The following GSE1 variants were observed in gnomAD, a reference collection of about 807,000 sequenced individuals.
GSE1 encodes the protein Gse1 coiled-coil protein, also known as genetic suppressor element 1.
A neutral mutation model predicts 112.6 loss-of-function variants in GSE1; 32 were observed. That is an observed-to-expected ratio of 0.28 (90% CI 0.21 to 0.38). The LOEUF (loss-of-function observed/expected upper bound fraction) is 0.38. GSE1 is among the 10% of genes least tolerant of loss of function. The pLI is 1.00. For missense variants in GSE1, 2,348 were observed against 1,699.2 expected, an observed-to-expected ratio of 1.38 and a Z score of -6.71; for synonymous variants, 1,115 against 735.6, an observed-to-expected ratio of 1.52 and a Z score of -8.35.
At chr16:85,433,769 CTGGATAGATGGATGT>C (rs1441572517) in intron 2 of GSE1, among the ~76,000 whole-genome samples, 1 of 151,624 alleles carries the variant, frequency 6.6e-6, no homozygotes, top group African/African-American at 2.4e-5. Context: ...TGGATGGATG[CTGGATAGATGGATGT>C]TGGATAGATG....
intron 1 of GSE1, among the ~76,000 whole-genome samples, chr16:85,601,006 G>C (rs560890832): frequency 7.7e-6 from 1 of 129,096 alleles, no homozygotes; most frequent in Non-Finnish European, 1.5e-5. Context: ...TTCCACCAGT[G>C]GGGGGGTTAG....
chr16:85,383,104 G>A (rs1420149426), intron 2 of GSE1, among the ~76,000 whole-genome samples: 1 of 151,180 alleles, frequency 6.6e-6, no homozygotes, highest in East Asian at 2.0e-4. Flanking sequence ...AAGCATGCCT[G>A]TGCACCCACA....
In GSE1 at chr16:85,674,867, G is replaced by T. The variant is rs905009519; in HGVS notation, c.*2328G>T. ...CCGGCCCTTGAGCTTCTTGCCCACT[G>T]TCTCCCCATCCTTCCACCTACTTGT... is the stretch of plus-strand genomic sequence containing the variant. On this transcript the variant is annotated 3_prime_UTR_variant, in exon 16 of 16. Transcript: ENST00000253458. The T allele has an allele frequency of 1.3e-4, 20 of 152,632 alleles. No individual in the cohort carries two copies. Among genetic ancestry groups the T allele is most frequent in the African/African-American group, 4.6e-4 (19 of 41,420 alleles). The allele number at this position is 152,632 out of a possible 1,614,324, so 9.5% of individuals were successfully genotyped here. A position where few individuals can be genotyped will look rare whatever the true frequency, so the allele number is the denominator to read the frequency against.
At chr16:85,579,473 C>T (rs1207090449) in intron 1 of GSE1, among the ~76,000 whole-genome samples, 4 of 152,202 alleles carry the variant, frequency 2.6e-5, no homozygotes, top group Non-Finnish European at 4.4e-5. Flanking sequence ...TCCGGCCTGG[C>T]CCTGGCGCTG....
At chr16:85,662,955 G>A in intron 9 of GSE1, 26 bp from the exon 10 acceptor site, 4 of 1,451,972 alleles carry the variant, frequency 2.8e-6, no homozygotes, top group Non-Finnish European at 3.9e-6. Context: ...TCTTTGTCTG[G>A]CTGAATACAA....
At chr16:85,612,991 G>A (rs2048092532), upstream of GSE1, among the ~76,000 whole-genome samples, 2 of 152,222 alleles carry the variant, frequency 1.3e-5, no homozygotes, top group Admixed American at 1.3e-4. Flanking sequence ...GGGCTCCCGA[G>A]AGTGTGGGGG....
intron 2 of GSE1, among the ~76,000 whole-genome samples, chr16:85,449,544 C>A (rs1319952566): frequency 6.6e-6 from 1 of 152,250 alleles, no homozygotes; most frequent in African/African-American, 2.4e-5. Flanking sequence ...GCAACGCTTG[C>A]CAAGTGAGAT....
At chr16:85,358,845 G>T (rs774901205) in intron 2 of GSE1, among the ~76,000 whole-genome samples, 1 of 152,200 alleles carries the variant, frequency 6.6e-6, no homozygotes, top group Non-Finnish European at 1.5e-5. Flanking sequence ...CCGTTGCCTT[G>T]AGCCAGCTAA....
intron 1 of GSE1, among the ~76,000 whole-genome samples, chr16:85,559,336 T>A (rs2045402170): frequency 6.6e-6 from 1 of 152,204 alleles, no homozygotes; most frequent in Admixed American, 6.5e-5. Context: ...GACATGAAGC[T>A]GGCTTCTGTC....
chr16:85,494,904 G>T (rs1356401411), intron 2 of GSE1, among the ~76,000 whole-genome samples: 1 of 152,154 alleles, frequency 6.6e-6, no homozygotes, highest in African/African-American at 2.4e-5. Flanking sequence ...GCCGGGCCCT[G>T]TCCCCTGCCT....
At chr16:85,396,158 G>T (rs1280264315) in intron 2 of GSE1, among the ~76,000 whole-genome samples, 2 of 152,194 alleles carry the variant, frequency 1.3e-5, no homozygotes, top group Non-Finnish European at 2.9e-5. Flanking sequence ...CAGGAGGCAG[G>T]ACATCAGCAG....
At chr16:85,501,849 C>G (rs1483307928) in intron 2 of GSE1, among the ~76,000 whole-genome samples, 2 of 152,240 alleles carry the variant, frequency 1.3e-5, no homozygotes, top group African/African-American at 4.8e-5. Context: ...TGCCTCCACC[C>G]CTCATTCTAC....
chr16:85,477,510 C>T (rs1292490251), intron 2 of GSE1, among the ~76,000 whole-genome samples: 1 of 151,492 alleles, frequency 6.6e-6, no homozygotes, highest in Admixed American at 6.6e-5. Flanking sequence ...CTCCGGCCTA[C>T]TGGGCTCTCG....
Position 85,672,572 on chromosome 16 carries a change from A to C in GSE1, c.*33A>C, listed in dbSNP as rs761856336. ...CCTTGCACTAGGCCGAACCTATAGT[A>C]TAGAAATATTATCTATTTTATTACC... On this transcript the variant is annotated 3_prime_UTR_variant, in exon 16 of 16. Transcript: ENST00000253458. The C allele has an allele frequency of 3.4e-6, 5 of 1,464,320 alleles. No individual in the cohort carries two copies. Among genetic ancestry groups the C allele is most frequent in the Non-Finnish European group, 3.7e-6 (4 of 1,076,758 alleles). 90.7% of individuals were successfully genotyped at this position (1,464,320 alleles called of 1,614,324 possible).
chr16:85,374,709 A>C (rs2047381330), intron 2 of GSE1, among the ~76,000 whole-genome samples: 1 of 152,142 alleles, frequency 6.6e-6, no homozygotes, highest in South Asian at 2.1e-4. Context: ...GGATGGGCCC[A>C]GTGGATGCGT....
Position 85,626,900 on chromosome 16 carries a change from T to C in GSE1, c.8-7014T>C, listed in dbSNP as rs543216359. On this transcript the variant is annotated intron_variant, in intron 1 of 15. Coordinates refer to ENST00000253458, the MANE Select transcript of GSE1 (RefSeq NM_014615.5). ...GCCTCCCCCCTCGTTTAAATCCTGCTGTTGGAGCGTTTGGACAGCAGGCAG... is the reference window on the plus strand; with the variant it reads ...GCCTCCCCCCTCGTTTAAATCCTGCCGTTGGAGCGTTTGGACAGCAGGCAG... Among the ~76,000 whole-genome samples, 9 of 152,024 alleles carry C rather than the reference T, an allele frequency of 5.9e-5. No homozygotes were observed. In the South Asian group the frequency reaches 1.9e-3, roughly 32 times the overall value.
exon 1 of GSE1, chr16:85,169,927 C>A: frequency 1.0e-6 from 1 of 984,530 alleles, no homozygotes; most frequent in Non-Finnish European, 1.2e-6. Flanking sequence ...CGCCGGGGCC[C>A]CCCGCGAGTG....
chr16:85,598,633 C>T (rs747415939), intron 1 of GSE1, among the ~76,000 whole-genome samples: 2 of 152,186 alleles, frequency 1.3e-5, no homozygotes, highest in South Asian at 2.1e-4. Flanking sequence ...CAAGGGAAGA[C>T]GCCTTCTGGG....
intron 1 of GSE1, among the ~76,000 whole-genome samples, chr16:85,307,396 C>T (rs940689986): frequency 6.6e-6 from 1 of 152,292 alleles, no homozygotes; most frequent in Admixed American, 6.5e-5. Flanking sequence ...CCCAGGACAG[C>T]GCTCAGTTTC....
Sources: gnomAD v4.1 joint callset for allele counts (sites outside exome capture counted in the v4.1 genomes callset) on GRCh38, gnomAD v4.1.1 for gene constraint, MANE v1.5 for transcripts, NCBI Gene and HGNC (gene_info 2026-07-23, HGNC 2026-07-21) for gene names.